The following HOMER2 variants were observed in gnomAD, a reference collection of about 807,000 sequenced individuals.
The protein encoded by HOMER2 is homer protein homolog 2.
HOMER2 carries 27 observed loss-of-function variants against 47.0 expected under a neutral mutation model. The observed-to-expected ratio is 0.57, with a 90% CI of 0.42 to 0.79. The LOEUF (loss-of-function observed/expected upper bound fraction) is 0.79. Ranked by LOEUF, HOMER2 falls within the 30% of genes least tolerant of loss-of-function variation. The pLI is 0.00. For synonymous variants in HOMER2, 161 were observed against 163.8 expected, an observed-to-expected ratio of 0.98 and a Z score of 0.13; for missense variants, 443 against 435.0, an observed-to-expected ratio of 1.02 and a Z score of -0.16.
At chr15:82,964,903 A>G (rs2054660137) in intron 1 of HOMER2, among the ~76,000 whole-genome samples, 2 of 152,280 alleles carry the variant, frequency 1.3e-5, no homozygotes, top group South Asian at 4.1e-4. Context: ...TCCGTGCTCC[A>G]TAGGTTTGGG....
chr15:82,952,268 T>C (rs946829483), intron 1 of HOMER2, among the ~76,000 whole-genome samples: 7 of 152,158 alleles, frequency 4.6e-5, no homozygotes, highest in African/African-American at 1.7e-4. Context: ...CCCCGTCAGG[T>C]GCCCCCGTGC....
At position 82,871,442 on chromosome 15, in the gene HOMER2, C is replaced by T. The variant is rs144105698; in HGVS notation, c.294+3831G>A. 4.8e-3 allele frequency among the ~76,000 whole-genome samples: 738 copies of T among 152,298 alleles called. 10 individuals are homozygous for T. Among genetic ancestry groups the T allele is most frequent in the African/African-American group, 0.016 (674 of 41,554 alleles). The stretch of plus-strand genomic sequence containing the variant: ...TCAGCCTGGCTGTCCCCTCAGCACA[C>T]GCCTTGGGAGCCCTGGAGGCCAAGT... On this transcript the variant is annotated intron_variant, in intron 3 of 8. Coordinates refer to ENST00000450735, the MANE Select transcript of HOMER2 (RefSeq NM_004839.4).
chr15:82,950,060 A>T (rs2054472931), intron 1 of HOMER2, among the ~76,000 whole-genome samples: 1 of 152,186 alleles, frequency 6.6e-6, no homozygotes, highest in Admixed American at 6.5e-5. Context: ...CATCCAGCAC[A>T]GCAGGCAGGT....
At chr15:82,912,818 A>G (rs1323414140) in intron 1 of HOMER2, among the ~76,000 whole-genome samples, 1 of 152,206 alleles carries the variant, frequency 6.6e-6, no homozygotes, top group Non-Finnish European at 1.5e-5. Flanking sequence ...GATACCGGGC[A>G]CATCTCTAAA....
intron 1 of HOMER2, among the ~76,000 whole-genome samples, chr15:82,948,283 C>T (rs920918220): frequency 6.7e-6 from 1 of 150,336 alleles, no homozygotes; most frequent in Non-Finnish European, 1.5e-5. Context: ...CCCAGCTATT[C>T]GGGAGGCTGA....
At chr15:82,951,171 C>G (rs1455230907) in intron 1 of HOMER2, among the ~76,000 whole-genome samples, 1 of 152,194 alleles carries the variant, frequency 6.6e-6, no homozygotes, top group Non-Finnish European at 1.5e-5. Context: ...TGGGTAAAAT[C>G]ACCCACAGTT....
intron 1 of HOMER2, among the ~76,000 whole-genome samples, chr15:82,931,964 A>G (rs1216843869): frequency 6.6e-6 from 1 of 152,224 alleles, no homozygotes; most frequent in African/African-American, 2.4e-5. Flanking sequence ...ACTGAATCTG[A>G]TTCTGTTAGT....
intron 1 of HOMER2, among the ~76,000 whole-genome samples, chr15:82,920,995 T>C (rs1337413194): frequency 6.6e-6 from 1 of 152,094 alleles, no homozygotes; most frequent in Admixed American, 6.6e-5. Context: ...TTTAAATGGC[T>C]TAAAAAAAAT....
intron 1 of HOMER2, chr15:82,926,734 G>A (rs1182905441): frequency 1.3e-5 from 2 of 152,238 alleles, no homozygotes. Context: ...ACAGTATTAA[G>A]AGGTGGAGCC....
chr15:82,972,577 T>C (rs528900937), intron 1 of HOMER2, among the ~76,000 whole-genome samples: 1 of 152,162 alleles, frequency 6.6e-6, no homozygotes, highest in Admixed American at 6.5e-5. Context: ...CTCCAACTCC[T>C]GACCTCAGGT....
chr15:82,852,324 G>C, intron 6 of HOMER2, 72 bp from the exon 7 acceptor site: 1 of 1,013,382 alleles, frequency 9.9e-7, no homozygotes, highest in Non-Finnish European at 1.5e-6. Flanking sequence ...GATCACCACA[G>C]CTATGCTTCT....
intron 4 of HOMER2, among the ~76,000 whole-genome samples, chr15:82,860,797 C>G (rs1309176985): frequency 6.6e-6 from 1 of 151,844 alleles, no homozygotes; most frequent in Non-Finnish European, 1.5e-5. Flanking sequence ...ATTAGCCAGA[C>G]ATGGTGGCAG....
intron 1 of HOMER2, among the ~76,000 whole-genome samples, chr15:82,982,299 AAAGTCT>A (rs778007576): frequency 2.6e-5 from 4 of 152,256 alleles, no homozygotes; most frequent in Non-Finnish European, 4.4e-5. Context: ...TCTGATGCTT[AAAGTCT>A]AAGTGTCAGT....
At chr15:82,971,133 A>T (rs911176188) in intron 1 of HOMER2, among the ~76,000 whole-genome samples, 1 of 152,210 alleles carries the variant, frequency 6.6e-6, no homozygotes, top group Non-Finnish European at 1.5e-5. Context: ...GAACATCATG[A>T]GCTTGGTTAA....
rs1277964755 is a variant in HOMER2, at chr15:82,900,913, T to C, written c.6-8072A>G. On this transcript the variant is annotated intron_variant, in intron 1 of 8. Transcript: ENST00000450735. ...TAGAAGAAATACTTGTCACAAATCC[T>C]CCTAGTCCTCTGACTAGGAATTCCC... Among the ~76,000 whole-genome samples the C allele has an allele frequency of 1.3e-4, 20 of 152,204 alleles. 1 individual carries two copies. Among genetic ancestry groups the C allele is most frequent in the Non-Finnish European group, 1.5e-5 (1 of 68,034 alleles).
chr15:82,890,675 C>T (rs971444247), intron 2 of HOMER2, among the ~76,000 whole-genome samples: 1 of 152,188 alleles, frequency 6.6e-6, no homozygotes, highest in Non-Finnish European at 1.5e-5. Context: ...AAAAGCTCAG[C>T]TAATAGGACT....
At chr15:82,872,484 G>GA (rs2052209669) in intron 3 of HOMER2, among the ~76,000 whole-genome samples, 2 of 152,180 alleles carry the variant, frequency 1.3e-5, no homozygotes, top group Admixed American at 6.5e-5. Flanking sequence ...CTTGCTGCCA[G>GA]AAAAAATTCT....
Position 82,952,659 on chromosome 15 carries a change from G to T in HOMER2, c.-124C>A. 4.0e-6 allele frequency: 4 copies of T among 1,001,770 alleles called. No homozygotes were observed. The highest frequency in any genetic ancestry group is 4.7e-6 in the Non-Finnish European group (4 of 842,224). The allele number at this position is 1,001,770 out of a possible 1,614,324, so 62.1% of individuals were successfully genotyped here. A position where few individuals can be genotyped will look rare whatever the true frequency, so the allele number is the denominator to read the frequency against. The stretch of plus-strand genomic sequence containing the variant: ...GCGCGCCCGGCTCAGCCCCGGCGCC[G>T]CTCCATTCCGCGGGGCTGCGCGGCT... On this transcript the variant is annotated 5_prime_UTR_variant, in exon 1 of 9. Transcript: ENST00000450735.
In HOMER2 at chr15:82,849,700, G is replaced by C. The variant is rs778944756; in HGVS notation, c.*15C>G. ...CGCTTGGGACTCACGGGCGGGGCCT[G>C]GGCCTCGGCCAGCCCTAGTTATCGG... On this transcript the variant is annotated 3_prime_UTR_variant, in exon 9 of 9. Transcript: ENST00000450735. 3 of 1,608,634 alleles carry C rather than the reference G, an allele frequency of 1.9e-6. No individual in the cohort carries two copies. Among genetic ancestry groups the C allele is most frequent in the Non-Finnish European group, 2.5e-6 (3 of 1,177,574 alleles).
Sources: gnomAD v4.1 joint callset for allele counts (sites outside exome capture counted in the v4.1 genomes callset) on GRCh38, gnomAD v4.1.1 for gene constraint, MANE v1.5 for transcripts, NCBI Gene and HGNC (gene_info 2026-07-23, HGNC 2026-07-21) for gene names.